SLC36A2: variants seen among roughly 807,000 people sequenced by gnomAD.
SLC36A2 encodes the protein solute carrier family 36 member 2.
SLC36A2 carries 39 observed loss-of-function variants against 42.7 expected under a neutral mutation model. That is an observed-to-expected ratio of 0.91 (90% CI 0.71 to 1.19). SLC36A2 has a LOEUF of 1.19. Among genes scored for constraint, SLC36A2 ranks in the 50% most tolerant of loss-of-function variants. SLC36A2 has a pLI of 0.00. For missense variants in SLC36A2, 590 were observed against 613.7 expected (o/e 0.96, Z 0.41); for synonymous variants, 237 against 240.8 (o/e 0.98, Z 0.15).
chr5:151,335,677 G>A (rs527659666), intron 5 of SLC36A2, 130 bp from the exon 6 acceptor site: 15 of 732,562 alleles, frequency 2.0e-5, no homozygotes, highest in South Asian at 1.0e-4. Flanking sequence ...CAAATCTCAC[G>A]GTGAGTTAGG....
intron 1 of SLC36A2, among the ~76,000 whole-genome samples, chr5:151,344,788 G>A (rs966873090): frequency 2.0e-5 from 3 of 152,122 alleles, no homozygotes; most frequent in African/African-American, 7.2e-5. Flanking sequence ...GCTCAGAGAG[G>A]GGCAGAAACT....
chr5:151,321,155 A>G (rs78519784), intron 9 of SLC36A2, among the ~76,000 whole-genome samples: 86,743 of 150,112 alleles, frequency 0.58, 25,360 homozygotes, highest in East Asian at 0.85. Flanking sequence ...TTATTTATTT[A>G]TTTATTTATT....
chr5:151,345,500 C>A (rs1047045805), intron 1 of SLC36A2, among the ~76,000 whole-genome samples: 1 of 152,130 alleles, frequency 6.6e-6, no homozygotes, highest in African/African-American at 2.4e-5. Flanking sequence ...AACCCTCTAG[C>A]TTCCTGAGTC....
At chr5:151,338,730 A>G (rs1037322851) in intron 5 of SLC36A2, 1 of 247,380 alleles carries the variant, frequency 4.0e-6, no homozygotes, top group Admixed American at 4.9e-5. Context: ...GGAATCATCA[A>G]AAGAAGACCC....
intron 4 of SLC36A2, among the ~76,000 whole-genome samples, chr5:151,340,094 AAG>A (rs201948033): frequency 6.7e-6 from 1 of 149,230 alleles, no homozygotes; most frequent in African/African-American, 2.5e-5. Flanking sequence ...GGAGAGGAAA[AAG>A]AGGAGAAGGA....
chr5:151,347,131 C>T (rs1756517669), intron 1 of SLC36A2, among the ~76,000 whole-genome samples, 166 bp downstream of exon 1: 1 of 152,176 alleles, frequency 6.6e-6, no homozygotes, highest in African/African-American at 2.4e-5. Flanking sequence ...TTCTGACAGC[C>T]TTTACTTCTG....
rs553446506 is a variant in SLC36A2 at position 151,333,204 on chromosome 5, C to T, written c.843+20G>A. ...CACTCACAAGCACTAGGGATAAGGC[C>T]ACCTCAATTCAAACCTTACCACACC... On this transcript the variant is annotated intron_variant, in intron 7 of 9. Transcript: ENST00000335244. 63 of 1,602,706 alleles carry T rather than the reference C, an allele frequency of 3.9e-5. No individual in the cohort carries two copies. The East Asian group carries it at 1.3e-3, about 33-fold the overall frequency.
At chr5:151,335,278 G>T in intron 6 of SLC36A2, 51 bp downstream of exon 6, 2 of 1,449,456 alleles carry the variant, frequency 1.4e-6, no homozygotes, top group Non-Finnish European at 9.5e-7. Context: ...GTCTATCCTT[G>T]ATAAAAAAAC....
chr5:151,333,082 C>T (rs1375560718), intron 7 of SLC36A2, 142 bp downstream of exon 7: 4 of 749,734 alleles, frequency 5.3e-6, no homozygotes, highest in Non-Finnish European at 9.5e-6. Flanking sequence ...CAAGTAAGGC[C>T]AGAGGTTACT....
At chr5:151,326,329 C>G (rs2127289139) in intron 7 of SLC36A2, among the ~76,000 whole-genome samples, 1 of 152,294 alleles carries the variant, frequency 6.6e-6, no homozygotes, top group East Asian at 1.9e-4. Flanking sequence ...CCCCCACCTA[C>G]CAGTGAATTA....
intron 3 of SLC36A2, among the ~76,000 whole-genome samples, chr5:151,343,237 G>A (rs1756397888): frequency 6.6e-6 from 1 of 152,136 alleles, no homozygotes; most frequent in Non-Finnish European, 1.5e-5. Context: ...TCATATCCAT[G>A]ATCCCATTGG....
At chr5:151,320,396 CA>C (rs10657202) in intron 9 of SLC36A2, among the ~76,000 whole-genome samples, 9 of 148,318 alleles carry the variant, frequency 6.1e-5, no homozygotes, top group Admixed American at 2.0e-4. Flanking sequence ...CTTTGTTATG[CA>C]AAAAAAAAAG....
chr5:151,327,769 T>C (rs1216407907), intron 7 of SLC36A2, among the ~76,000 whole-genome samples: 2 of 152,090 alleles, frequency 1.3e-5, no homozygotes, highest in African/African-American at 4.8e-5. Context: ...TCTCTCTCTC[T>C]CCACAATCAG....
In SLC36A2 at chr5:151,315,468, A is replaced by G. The variant is rs1755466122; in HGVS notation, c.*1349T>C. ...ACATGGTAAAACCCCATCTCTACGAAAAACAAAAATTAGCCAGGCATAGTG... is the reference window on the plus strand; with the variant it reads ...ACATGGTAAAACCCCATCTCTACGAGAAACAAAAATTAGCCAGGCATAGTG... On this transcript the variant is annotated 3_prime_UTR_variant, in exon 10 of 10. Coordinates refer to ENST00000335244, the MANE Select transcript of SLC36A2 (RefSeq NM_181776.3). The G allele has an allele frequency of 1.2e-5, 1 of 82,250 alleles. No homozygotes were observed. The highest frequency in any genetic ancestry group is 2.2e-5 in the Non-Finnish European group (1 of 45,688). 5.1% of individuals were successfully genotyped at this position (82,250 alleles called of 1,614,324 possible).
At chr5:151,326,874 C>G (rs910978632) in intron 7 of SLC36A2, among the ~76,000 whole-genome samples, 6 of 146,714 alleles carry the variant, frequency 4.1e-5, no homozygotes, top group African/African-American at 1.5e-4. Flanking sequence ...TGCAGTAGTA[C>G]AATCACAGTT....
intron 7 of SLC36A2, among the ~76,000 whole-genome samples, chr5:151,325,970 T>A (rs1325117031): frequency 6.6e-6 from 1 of 152,198 alleles, no homozygotes; most frequent in Non-Finnish European, 1.5e-5. Context: ...TGAATTTACT[T>A]AATATGTATG....
chr5:151,330,410 A>G (rs571365060), intron 7 of SLC36A2, among the ~76,000 whole-genome samples: 4 of 152,258 alleles, frequency 2.6e-5, no homozygotes, highest in Non-Finnish European at 5.9e-5. Flanking sequence ...TTTCAAAATG[A>G]TGAAAAAAAT....
At chr5:151,317,419 T>C (rs921238667) in intron 9 of SLC36A2, among the ~76,000 whole-genome samples, 4 of 148,680 alleles carry the variant, frequency 2.7e-5, no homozygotes, top group Non-Finnish European at 5.9e-5. Flanking sequence ...GCCACTGCAC[T>C]CCAGCCTGGG....
At position 151,339,082 on chromosome 5, in the gene SLC36A2, AAC is replaced by A; in HGVS notation, c.501_502del (p.Leu169GlyfsTer2). Reference sequence around the variant, plus strand: ...TACCTGTTTTAAATTATCAGCCAAAAACACAATGTACACACAGCAGAAGCCAA... The same window carrying A: ...TACCTGTTTTAAATTATCAGCCAAAAACAATGTACACACAGCAGAAGCCAA... On this transcript the variant is annotated frameshift_variant, in exon 5 of 10. Coordinates refer to ENST00000335244, the MANE Select transcript of SLC36A2 (RefSeq NM_181776.3). LOFTEE classifies it high-confidence loss of function. 1.2e-6 allele frequency: 2 copies of A among 1,610,704 alleles called. No individual in the cohort carries two copies. Among genetic ancestry groups the A allele is most frequent in the African/African-American group, 1.3e-5 (1 of 74,950 alleles).
Sources: gnomAD v4.1 joint callset for allele counts (sites outside exome capture counted in the v4.1 genomes callset) on GRCh38, gnomAD v4.1.1 for gene constraint, MANE v1.5 for transcripts, NCBI Gene and HGNC (gene_info 2026-07-23, HGNC 2026-07-21) for gene names.